ENO4: variants seen among roughly 807,000 people sequenced by gnomAD.
ENO4 encodes enolase 4, also known as 2-phospho-D-glycerate hydro-lyase.
Under a neutral mutation model 63.2 loss-of-function variants are expected in ENO4, and 53 were observed. That is an observed-to-expected ratio of 0.84 (90% confidence interval 0.67 to 1.05). ENO4 has a LOEUF of 1.05. Among genes scored for constraint, ENO4 ranks in the 50% least tolerant of loss-of-function variants. The pLI is 0.00. For synonymous variants in ENO4, 266 were observed against 283.8 expected (o/e 0.94, Z 0.63); for missense variants, 719 against 772.0 (o/e 0.93, Z 0.81).
chr10:116,881,538 T>C lies in ENO4; in HGVS notation c.1747T>C (p.Phe583Leu). 1.3e-6 allele frequency: 2 copies of C among 1,545,714 alleles called. No homozygotes were observed. Among genetic ancestry groups the C allele is most frequent in the Non-Finnish European group, 1.7e-6 (2 of 1,145,776 alleles). The change falls in exon 14 of 14, where the codon TTT becomes CTT. Residue 583 changes from phenylalanine (F) to leucine (L), a missense_variant. Around this residue, in one of 3 missense-constraint regions of ENO4, gnomAD observed 168 missense variants for 163.3 expected, o/e 1.03. Coordinates refer to ENST00000341276, the MANE Select transcript of ENO4 (RefSeq NM_001242699.2). Reference protein sequence around the residue: ...TLGFKEEHTFFYFNEEAEKAA... With the variant: ...TLGFKEEHTFLYFNEEAEKAA... Reference sequence around the variant, plus strand: ...AGGTTTCAAAGAAGAACACACTTTTTTTTACTTTAATGAGGAAGCTGAAAA... The same window carrying C: ...AGGTTTCAAAGAAGAACACACTTTTCTTTACTTTAATGAGGAAGCTGAAAA...
intron 10 of ENO4, chr10:116,900,475 T>C (rs1847691358): frequency 7.2e-6 from 10 of 1,379,372 alleles, no homozygotes; most frequent in African/African-American, 4.3e-5. Context: ...AATTTCCACT[T>C]ACTTTTGGAG....
intron 7 of ENO4, among the ~76,000 whole-genome samples, chr10:116,866,495 T>C (rs1846551008): frequency 1.3e-5 from 2 of 152,212 alleles, no homozygotes; most frequent in South Asian, 4.1e-4. Flanking sequence ...ACATATCCTG[T>C]CAATGCACTG....
intron 4 of ENO4, among the ~76,000 whole-genome samples, chr10:116,859,858 A>G (rs1471658201): frequency 1.3e-5 from 2 of 152,178 alleles, no homozygotes; most frequent in Non-Finnish European, 2.9e-5. Context: ...GACCAAAGAG[A>G]CCAGGGAGGC....
chr10:116,857,422 C>T (rs1042752619), intron 3 of ENO4, among the ~76,000 whole-genome samples: 18 of 152,154 alleles, frequency 1.2e-4, no homozygotes, highest in South Asian at 4.1e-4. Flanking sequence ...GACTCAAACA[C>T]GCTAACAAGG....
At chr10:116,907,084 A>G (rs1412395282) in intron 10 of ENO4, among the ~76,000 whole-genome samples, 1 of 152,078 alleles carries the variant, frequency 6.6e-6, no homozygotes, top group Admixed American at 6.5e-5. Context: ...CTGGGTGGAG[A>G]AGAGAATTGA....
intron 9 of ENO4, 53 bp downstream of exon 9, chr10:116,871,345 A>T (rs1846690180): frequency 7.0e-7 from 1 of 1,426,500 alleles, no homozygotes; most frequent in Non-Finnish European, 9.4e-7. Flanking sequence ...TGATTTTTAA[A>T]TTAGAACTCA....
At chr10:116,868,443 C>A in intron 7 of ENO4, 1 of 688,214 alleles carries the variant, frequency 1.5e-6, no homozygotes, top group Non-Finnish European at 2.7e-6. Context: ...GAAACACATT[C>A]CTGAATTTGA....
chr10:116,879,571 G>A (rs1213131097), intron 12 of ENO4, among the ~76,000 whole-genome samples: 3 of 152,170 alleles, frequency 2.0e-5, no homozygotes, highest in Non-Finnish European at 2.9e-5. Context: ...ACACTTAAAT[G>A]ACTGGGGTGT....
chr10:116,853,011 A>G (rs776700878), intron 1 of ENO4, among the ~76,000 whole-genome samples: 7 of 152,080 alleles, frequency 4.6e-5, no homozygotes, highest in Non-Finnish European at 8.8e-5. Context: ...AGCAGTAGAT[A>G]ATGGCCGGGC....
In ENO4 at chr10:116,866,827, G is replaced by A. The variant is rs1846562309; in HGVS notation, c.991-1823G>A. Reference sequence around the variant, plus strand: ...CCCATTAAAAAAAAAAAAAAATCCTGTATGGGAGGAACGCTGAATTGCTGG... The same window carrying A: ...CCCATTAAAAAAAAAAAAAAATCCTATATGGGAGGAACGCTGAATTGCTGG... On this transcript the variant is annotated intron_variant, in intron 7 of 13. Coordinates refer to ENST00000341276, the MANE Select transcript of ENO4 (RefSeq NM_001242699.2). 2.0e-5 allele frequency among the ~76,000 whole-genome samples: 3 copies of A among 151,506 alleles called. No homozygotes were observed. In the South Asian group the frequency reaches 6.3e-4, roughly 32 times the overall value.
chr10:116,895,026 G>A lies in ENO4; in HGVS notation c.1194+15040G>A, dbSNP rs565136337. Among the ~76,000 whole-genome samples the A allele has an allele frequency of 2.0e-5, 3 of 152,256 alleles. No homozygotes were observed. In the East Asian group the frequency reaches 5.8e-4, roughly 29 times the overall value. On this transcript the variant is annotated intron_variant, in intron 10 of 10. Coordinates refer to the ENO4 transcript ENST00000369207. ...AATGGATAAACACAAACTCAAAGGT[G>A]TTAACCAGTAATTGACCAAACATGA...
intron 7 of ENO4, among the ~76,000 whole-genome samples, chr10:116,865,125 C>T (rs1209215882): frequency 1.3e-5 from 2 of 152,160 alleles, no homozygotes; most frequent in African/African-American, 4.8e-5. Context: ...GCCCTTTTCA[C>T]TGAGGTGTTT....
chr10:116,890,445 G>T (rs1847304655), intron 10 of ENO4, among the ~76,000 whole-genome samples: 1 of 152,156 alleles, frequency 6.6e-6, no homozygotes, highest in Non-Finnish European at 1.5e-5. Context: ...GTTAACAGCA[G>T]ACACAGGACT....
At chr10:116,911,357 A>G in intron 10 of ENO4, 2 of 1,087,502 alleles carry the variant, frequency 1.8e-6, no homozygotes, top group Non-Finnish European at 2.5e-6. Flanking sequence ...GGAAAGGCAG[A>G]CTGTGACCCT....
At chr10:116,875,347 C>T (rs1428962116) in intron 10 of ENO4, among the ~76,000 whole-genome samples, 1 of 151,928 alleles carries the variant, frequency 6.6e-6, no homozygotes, top group African/African-American at 2.4e-5. Flanking sequence ...TGTCCTGAGG[C>T]TCTGGTCATA....
intron 11 of ENO4, among the ~76,000 whole-genome samples, chr10:116,877,912 C>T (rs544917184): frequency 6.6e-6 from 1 of 152,260 alleles, no homozygotes; most frequent in African/African-American, 2.4e-5. Context: ...CTCACTTGCC[C>T]ACAACTCTTG....
At position 116,908,535 on chromosome 10, in the gene ENO4, T is replaced by C. The variant is rs371140047; in HGVS notation, c.1195-2964T>C. Among the ~76,000 whole-genome samples the C allele has an allele frequency of 6.6e-5, 10 of 152,294 alleles. No homozygotes were observed. In the East Asian group the frequency reaches 1.2e-3, roughly 18 times the overall value. On this transcript the variant is annotated intron_variant, in intron 10 of 10. Transcript: ENST00000369207. ...ATTTATAATTTTTAAAAACTTACCA[T>C]CTCTATCATTTGTAAACAGATATTT... is the stretch of plus-strand genomic sequence containing the variant.
At chr10:116,849,865 C>T in intron 1 of ENO4, 134 bp downstream of exon 1, 1 of 1,027,338 alleles carries the variant, frequency 9.7e-7, no homozygotes. Context: ...CCTGCGTGTG[C>T]GGAGGAGACT....
downstream of ENO4, chr10:116,886,619 T>C: frequency 1.2e-6 from 2 of 1,601,744 alleles, no homozygotes; most frequent in East Asian, 2.2e-5. Context: ...GAGAAAATAG[T>C]TGTCTCTGAT....
Sources: gnomAD v4.1 joint callset for allele counts (sites outside exome capture counted in the v4.1 genomes callset) on GRCh38, gnomAD v4.1.1 for gene constraint, gnomAD v4.1.1 regional missense constraint, MANE v1.5 for transcripts, NCBI Gene and HGNC (gene_info 2026-07-23, HGNC 2026-07-21) for gene names.